IMPDH2: variants seen among roughly 807,000 people sequenced by gnomAD.
The protein encoded by IMPDH2 is inosine monophosphate dehydrogenase 2.
A neutral mutation model predicts 57.8 loss-of-function variants in IMPDH2; 33 were observed. The ratio of observed to expected loss-of-function variants is 0.57; its 90% CI spans 0.43 to 0.76. The LOEUF is 0.76. Ranked by LOEUF, IMPDH2 falls within the 30% of genes least tolerant of loss-of-function variation. The pLI is 0.00. For synonymous variants in IMPDH2, 270 were observed against 241.3 expected, an observed-to-expected ratio of 1.12 and a Z score of -1.10; for missense variants, 446 against 659.1, an observed-to-expected ratio of 0.68 and a Z score of 3.54.
rs761803500 is a variant in IMPDH2, at chr3:49,029,291, T to C, written c.60A>G (p.Ala20=). The change falls in exon 1 of 14, where the codon GCA becomes GCG. Residue 20 remains alanine, a synonymous_variant. Coordinates refer to ENST00000326739, the MANE Select transcript of IMPDH2 (RefSeq NM_000884.3). The part of the protein sequence containing the change: ...TSYVPDDGLT[A]QQLFNCGDGL... ...CGTCTCCGCAGTTGAAGAGCTGCTG[T>C]GCTGTGAGTCCGTCGTCTGGCACGT... 5.6e-6 allele frequency: 9 copies of C among 1,608,494 alleles called. No homozygotes were observed. In the Admixed American group the frequency reaches 1.5e-4, roughly 27 times the overall value.
In IMPDH2 at chr3:49,029,393, G is replaced by A. The variant is rs539916234; in HGVS notation, c.-43C>T. On this transcript the variant is annotated 5_prime_UTR_variant, in exon 1 of 14. Transcript: ENST00000326739. The stretch of plus-strand genomic sequence containing the variant: ...GCCGCGTGTCTCCGAGGACCGCGCC[G>A]CAGAGACCTCTGCCGTCTGGGCCGC... 4.5e-6 allele frequency: 6 copies of A among 1,347,440 alleles called. No individual in the cohort carries two copies. Among genetic ancestry groups the A allele is most frequent in the Non-Finnish European group, 6.2e-6 (6 of 960,950 alleles). 83.5% of individuals were successfully genotyped at this position (1,347,440 alleles called of 1,614,324 possible).
Position 49,028,542 on chromosome 3 carries a change from C to CT in IMPDH2, c.148-11_148-10insA. The CT allele has an allele frequency of 6.2e-7, 1 of 1,602,330 alleles. No individual in the cohort carries two copies. The highest frequency in any genetic ancestry group is 1.1e-5 in the South Asian group (1 of 90,778). Reference sequence around the variant, plus strand: ...GAGCAGAAGTCAGGTCCTGAGGAGACAAACGTCAACCAGTGTGGGAAAGCA... The same window carrying CT: ...GAGCAGAAGTCAGGTCCTGAGGAGACTAAACGTCAACCAGTGTGGGAAAGCA... On this transcript the variant is annotated splice_polypyrimidine_tract_variant and intron_variant, in intron 2 of 13. Transcript: ENST00000326739.
intron 13 of IMPDH2, 23 bp from the exon 14 acceptor site, chr3:49,024,427 T>A (rs1301028347): frequency 1.9e-6 from 3 of 1,613,518 alleles, no homozygotes; most frequent in African/African-American, 1.3e-5. Flanking sequence ...GGACCACCTG[T>A]GAGGTGAGGG....
At chr3:49,026,019 G>T (rs761572435) in intron 9 of IMPDH2, 1 of 509,508 alleles carries the variant, frequency 2.0e-6, no homozygotes, top group South Asian at 1.5e-5. Flanking sequence ...ACAGTAGAAG[G>T]GCATTTGGGG....
chr3:49,026,899 C>T lies in IMPDH2; in HGVS notation c.620-13G>A, dbSNP rs761068955. On this transcript the variant is annotated splice_polypyrimidine_tract_variant and intron_variant, in intron 6 of 13. Transcript: ENST00000326739. ...ATGGGCAACTTTCCTGTGGTCAGGGCAGGACATGAATCAGGACCCTAGGCA... is the reference window on the plus strand; with the variant it reads ...ATGGGCAACTTTCCTGTGGTCAGGGTAGGACATGAATCAGGACCCTAGGCA... 11 of 1,614,168 alleles carry T rather than the reference C, an allele frequency of 6.8e-6. No individual in the cohort carries two copies. Among genetic ancestry groups the T allele is most frequent in the Middle Eastern group, 1.6e-4 (1 of 6,062 alleles).
chr3:49,027,636 T>C, intron 5 of IMPDH2, 74 bp downstream of exon 5: 2 of 1,253,620 alleles, frequency 1.6e-6, no homozygotes, highest in Admixed American at 3.4e-5. Context: ...ATCAGAGATG[T>C]CTTAGACAAC....
chr3:49,025,322 G>A (rs1462243093), intron 9 of IMPDH2, 53 bp from the exon 10 acceptor site: 2 of 1,603,356 alleles, frequency 1.2e-6, no homozygotes, highest in Non-Finnish European at 8.5e-7. Flanking sequence ...GACGGGCAGT[G>A]GACCCTGTGG....
Position 49,027,356 on chromosome 3 carries a change from T to C in IMPDH2, c.532-309A>G, listed in dbSNP as rs2093203979. Among the ~76,000 whole-genome samples the C allele has an allele frequency of 2.6e-5, 4 of 152,122 alleles. 1 individual carries two copies. In the South Asian group the frequency reaches 8.3e-4, roughly 31 times the overall value. Reference sequence around the variant, plus strand: ...GGGATCCCAATAATTCTTAGCAGTATGGTATTGAGTGAGGGATGAGTAGAA... The same window carrying C: ...GGGATCCCAATAATTCTTAGCAGTACGGTATTGAGTGAGGGATGAGTAGAA... On this transcript the variant is annotated intron_variant, in intron 5 of 13. Coordinates refer to ENST00000326739, the MANE Select transcript of IMPDH2 (RefSeq NM_000884.3).
chr3:49,028,840 T>G, intron 1 of IMPDH2, 34 bp from the exon 2 acceptor site: 1 of 1,585,844 alleles, frequency 6.3e-7, no homozygotes, highest in African/African-American at 1.3e-5. Context: ...GGAGTAAAGC[T>G]CTCAGCTTAG....
At chr3:49,026,242 G>T in intron 9 of IMPDH2, 82 bp downstream of exon 9, 1 of 1,057,384 alleles carries the variant, frequency 9.5e-7, no homozygotes, top group Non-Finnish European at 1.4e-6. Context: ...GGGCTCTATT[G>T]TCCCCATAAG....
Position 49,024,364 on chromosome 3 carries a change from A to G in IMPDH2, c.*19T>C. ...ACTTTTATTGAAAAAAAAACCGAGG[A>G]GGTGTGCTGGATCCCTTTTCAGAAA... On this transcript the variant is annotated 3_prime_UTR_variant, in exon 14 of 14. Transcript: ENST00000326739. 1 of 1,613,570 alleles carries G rather than the reference A, an allele frequency of 6.2e-7. No homozygotes were observed. Among genetic ancestry groups the G allele is most frequent in the Non-Finnish European group, 8.5e-7 (1 of 1,179,772 alleles).
Position 49,028,424 on chromosome 3 carries a change from G to A in IMPDH2, c.249+7C>T. 1.2e-6 allele frequency: 2 copies of A among 1,612,856 alleles called. No homozygotes were observed. Among genetic ancestry groups the A allele is most frequent in the Middle Eastern group, 3.3e-4 (2 of 6,062 alleles). On this transcript the variant is annotated splice_region_variant and intron_variant, in intron 3 of 13. Coordinates refer to ENST00000326739, the MANE Select transcript of IMPDH2 (RefSeq NM_000884.3). ...TTGCTCCTTCCCCCACACCCCATGG[G>A]GCTCACCGCCATTGCTATGGCCATC...
chr3:49,029,031 A>G (rs564488663), intron 1 of IMPDH2: 1 of 644,232 alleles, frequency 1.6e-6, no homozygotes, highest in South Asian at 1.8e-5. Context: ...ATGTGTCTGG[A>G]GCATGGAATC....
At position 49,028,121 on chromosome 3, in the gene IMPDH2, T is replaced by G. The variant is rs2093207310; in HGVS notation, c.324+127A>C. 1.3e-5 allele frequency: 11 copies of G among 876,310 alleles called. No individual in the cohort carries two copies. The South Asian group carries it at 1.6e-4, about 12-fold the overall frequency. 54.3% of individuals were successfully genotyped at this position (876,310 alleles called of 1,614,324 possible). ...TGCTTTAAGAAACAGAATCTCAGGG[T>G]CTTCTCAGTAACTGAACCCCATGGT... On this transcript the variant is annotated intron_variant, in intron 4 of 13. Coordinates refer to ENST00000326739, the MANE Select transcript of IMPDH2 (RefSeq NM_000884.3).
chr3:49,026,104 C>G (rs992609303), intron 9 of IMPDH2: 9 of 663,980 alleles, frequency 1.4e-5, no homozygotes, highest in Middle Eastern at 2.4e-4. Flanking sequence ...AGAGAAGGTG[C>G]AGAGCAGGAG....
Position 49,027,721 on chromosome 3 carries a change from AAC to A in IMPDH2, c.518_519del (p.Cys173PhefsTer26), listed in dbSNP as rs781716231. On this transcript the variant is annotated frameshift_variant, in exon 5 of 14. Coordinates refer to ENST00000326739, the MANE Select transcript of IMPDH2 (RefSeq NM_000884.3). LOFTEE classifies it high-confidence loss of function. Reference sequence around the variant, plus strand: ...CCAGTGGCACCCACCTCTTCCAAGAAACAGTCATGTTCCTCCTCTTTGAGAAA... The same window carrying A: ...CCAGTGGCACCCACCTCTTCCAAGAAAGTCATGTTCCTCCTCTTTGAGAAA... The part of the protein sequence containing the change: ...IDFLKEEEHD[C>X]FLEEIMTKRE... 14 of 1,614,140 alleles carry A rather than the reference AAC, an allele frequency of 8.7e-6. No individual in the cohort carries two copies. The South Asian group carries it at 1.3e-4, about 15-fold the overall frequency.
intron 12 of IMPDH2, 32 bp downstream of exon 12, chr3:49,024,627 C>T (rs761654471): frequency 1.1e-5 from 17 of 1,614,076 alleles, no homozygotes; most frequent in Non-Finnish European, 1.4e-5. Flanking sequence ...TGGACCAGCC[C>T]CTCTACCCAT....
rs1022079498 is a variant in IMPDH2, at chr3:49,025,442, A to G, written c.1007-173T>C. ...CTGCCACATCTGCCTTAAATAGTAC[A>G]AACAGCTGTGCTGACCTCTACTCAC... On this transcript the variant is annotated intron_variant, in intron 9 of 13. Coordinates refer to ENST00000326739, the MANE Select transcript of IMPDH2 (RefSeq NM_000884.3). 15 of 692,610 alleles carry G rather than the reference A, an allele frequency of 2.2e-5. No homozygotes were observed. In the Admixed American group the frequency reaches 2.8e-4, roughly 13 times the overall value. The allele number at this position is 692,610 out of a possible 1,614,324, so 42.9% of individuals were successfully genotyped here. A position where few individuals can be genotyped will look rare whatever the true frequency, so the allele number is the denominator to read the frequency against.
intron 13 of IMPDH2, 34 bp downstream of exon 13, chr3:49,024,461 T>C (rs376390052): frequency 3.1e-6 from 5 of 1,613,960 alleles, no homozygotes; most frequent in Non-Finnish European, 4.2e-6. Flanking sequence ...GCATGAGGTA[T>C]GGCAGAGGCC....
Sources: gnomAD v4.1 joint callset for allele counts (sites outside exome capture counted in the v4.1 genomes callset) on GRCh38, gnomAD v4.1.1 for gene constraint, MANE v1.5 for transcripts, NCBI Gene and HGNC (gene_info 2026-07-23, HGNC 2026-07-21) for gene names.